Variants in TMC5 observed in about 807,000 individuals in gnomAD.
TMC5 encodes transmembrane channel-like protein 5.
A neutral mutation model predicts 110.5 loss-of-function variants in TMC5; 86 were observed. That is an observed-to-expected ratio of 0.78 (90% CI 0.65 to 0.93). TMC5 has a LOEUF of 0.93. TMC5 is among the 40% of genes least tolerant of loss of function. The pLI, the probability that TMC5 is intolerant of heterozygous loss-of-function variation, is 0.00. For synonymous variants in TMC5, 455 were observed against 439.5 expected, an observed-to-expected ratio of 1.04 and a Z score of -0.44; for missense variants, 1,144 against 1,222.8, an observed-to-expected ratio of 0.94 and a Z score of 0.96.
rs762289922 is a variant in TMC5, at chr16:19,463,260, T to C, written c.1149-20T>C. The C allele has an allele frequency of 1.9e-6, 3 of 1,586,786 alleles. No individual in the cohort carries two copies. The highest frequency in any genetic ancestry group is 2.6e-6 in the Non-Finnish European group (3 of 1,155,196). ...GTTGCAACATTTGTATCTCTCATTT[T>C]CTCTTGCTGTTCCCTACAGGAAAAT... On this transcript the variant is annotated intron_variant, in intron 6 of 21. Coordinates refer to ENST00000542583, the MANE Select transcript of TMC5 (RefSeq NM_001261841.2).
intron 6 of TMC5, among the ~76,000 whole-genome samples, chr16:19,461,873 T>C (rs1968031663): frequency 6.6e-6 from 1 of 152,148 alleles, no homozygotes; most frequent in South Asian, 2.1e-4. Context: ...AAATTACAAA[T>C]GGCAGAAAGT....
chr16:19,494,517 T>C, intron 20 of TMC5, 151 bp downstream of exon 20: 1 of 584,528 alleles, frequency 1.7e-6, no homozygotes, highest in Admixed American at 3.3e-5. Flanking sequence ...ACTTAAAAAG[T>C]AATATTCATG....
chr16:19,437,445 A>C (rs1460186755), intron 2 of TMC5, among the ~76,000 whole-genome samples: 1 of 152,234 alleles, frequency 6.6e-6, no homozygotes, highest in Non-Finnish European at 1.5e-5. Context: ...GTGCAGGGAC[A>C]CAATAATGAA....
At chr16:19,488,279 C>T (rs568467114) in intron 17 of TMC5, among the ~76,000 whole-genome samples, 1 of 152,174 alleles carries the variant, frequency 6.6e-6, no homozygotes, top group East Asian at 1.9e-4. Context: ...CCTGGCTAAC[C>T]AACAGACACT....
chr16:19,454,246 A>G (rs1323864794), intron 5 of TMC5, among the ~76,000 whole-genome samples: 1 of 152,064 alleles, frequency 6.6e-6, no homozygotes, highest in Non-Finnish European at 1.5e-5. Context: ...GAGTTTCACC[A>G]TGTTGGCCAG....
At chr16:19,421,877 A>T (rs975640120) in intron 1 of TMC5, among the ~76,000 whole-genome samples, 1 of 150,396 alleles carries the variant, frequency 6.6e-6, no homozygotes, top group Non-Finnish European at 1.5e-5. Flanking sequence ...GCTTGGGCCT[A>T]GGAGGTTGCA....
At chr16:19,434,172 A>G (rs1967265707) in intron 2 of TMC5, among the ~76,000 whole-genome samples, 1 of 36,802 alleles carries the variant, frequency 2.7e-5, no homozygotes, top group South Asian at 1.6e-3. Context: ...TATGATATAT[A>G]GATCTATTAG....
intron 15 of TMC5, 52 bp from the exon 16 acceptor site, chr16:19,486,893 C>CG: frequency 6.6e-7 from 1 of 1,523,052 alleles, no homozygotes; most frequent in South Asian, 1.1e-5. Flanking sequence ...AGATTCACCC[C>CG]GACTCCTTGT....
intron 7 of TMC5, 84 bp downstream of exon 7, chr16:19,463,451 G>A: frequency 1.7e-6 from 2 of 1,173,870 alleles, no homozygotes; most frequent in Middle Eastern, 1.9e-4. Context: ...GGGGGAAGAT[G>A]AACCAAAAAT....
intron 1 of TMC5, among the ~76,000 whole-genome samples, chr16:19,424,518 G>A (rs963053525): frequency 1.3e-5 from 2 of 152,004 alleles, no homozygotes; most frequent in African/African-American, 2.4e-5. Context: ...GCACGGTGGC[G>A]GACCCCTGTA....
chr16:19,497,057 G>A, intron 20 of TMC5, 64 bp from the exon 21 acceptor site: 1 of 1,571,088 alleles, frequency 6.4e-7, no homozygotes. Flanking sequence ...TGCCAAATAT[G>A]TGACAAGACC....
chr16:19,481,868 AG>A (rs1968626902), intron 15 of TMC5, among the ~76,000 whole-genome samples: 1 of 152,050 alleles, frequency 6.6e-6, no homozygotes, highest in South Asian at 2.1e-4. Context: ...CATGGCCCTT[AG>A]GAATAGGATT....
chr16:19,455,277 G>A (rs990172562), intron 5 of TMC5, among the ~76,000 whole-genome samples: 3 of 151,852 alleles, frequency 2.0e-5, no homozygotes, highest in African/African-American at 7.2e-5. Context: ...GTGAAACCTC[G>A]TCTCTACAAA....
intron 12 of TMC5, chr16:19,475,021 T>C (rs1968451575): frequency 1.3e-5 from 2 of 152,240 alleles, no homozygotes; most frequent in Non-Finnish European, 2.9e-5. Context: ...GCATCATACG[T>C]GCTAGAAGTG....
intron 6 of TMC5, among the ~76,000 whole-genome samples, chr16:19,461,985 G>T (rs1968035115): frequency 6.6e-6 from 1 of 152,126 alleles, no homozygotes; most frequent in African/African-American, 2.4e-5. Context: ...CATTTGAGCT[G>T]GGCCTTGAAA....
chr16:19,428,979 C>A (rs1597161024), intron 1 of TMC5, among the ~76,000 whole-genome samples: 1 of 152,218 alleles, frequency 6.6e-6, no homozygotes, highest in East Asian at 1.9e-4. Flanking sequence ...GTGCGAGCCA[C>A]CACGCCTGGC....
In TMC5 at chr16:19,496,919, T is replaced by C. The variant is rs1969070797; in HGVS notation, c.2932-202T>C. ...AAAAAAAAAAAAAAAAAAAAGAGTATCTGTGGAATGAATGAATGGAATCAC... is the reference window on the plus strand; with the variant it reads ...AAAAAAAAAAAAAAAAAAAAGAGTACCTGTGGAATGAATGAATGGAATCAC... On this transcript the variant is annotated intron_variant, in intron 20 of 21. Transcript: ENST00000542583. Among the ~76,000 whole-genome samples, 4 of 137,776 alleles carry C rather than the reference T, an allele frequency of 2.9e-5. 1 individual carries two copies. In the South Asian group the frequency reaches 6.7e-4, roughly 23 times the overall value. The allele number at this position is 137,776 out of a possible 152,430, so 90.4% of individuals were successfully genotyped here.
chr16:19,477,165 G>A (rs914034044), intron 12 of TMC5: 11 of 282,102 alleles, frequency 3.9e-5, no homozygotes, highest in East Asian at 1.3e-4. Flanking sequence ...GGAGAATGGC[G>A]TGAACCTGGG....
intron 10 of TMC5, among the ~76,000 whole-genome samples, chr16:19,471,454 C>A (rs149226264): frequency 0.013 from 2,011 of 152,060 alleles, 23 homozygotes; most frequent in South Asian, 0.078. Context: ...AGATACCCAA[C>A]CTTATTCTTC....
Sources: allele counts gnomAD v4.1 joint callset (sites outside exome capture counted in the v4.1 genomes callset), GRCh38; gene constraint gnomAD v4.1.1; transcripts MANE v1.5; gene names NCBI Gene and HGNC (gene_info 2026-07-23, HGNC 2026-07-21).